ADA: variants seen among roughly 807,000 people sequenced by gnomAD.
ADA encodes the protein adenosine aminohydrolase.
A neutral mutation model predicts 49.0 loss-of-function variants in ADA; 45 were observed. The observed-to-expected ratio is 0.92, with a 90% CI of 0.72 to 1.18. The LOEUF is 1.18. Ranked by LOEUF, ADA falls within the 50% of genes most tolerant of loss-of-function variation. The pLI, the probability that ADA is intolerant of heterozygous loss-of-function variation, is 0.00. For missense variants in ADA, 445 were observed against 472.5 expected (o/e 0.94, Z 0.54); for synonymous variants, 173 against 184.2 (o/e 0.94, Z 0.49).
chr20:44,619,736 G>A lies in ADA; in HGVS notation c.*98C>T. On this transcript the variant is annotated 3_prime_UTR_variant, in exon 12 of 12. Transcript: ENST00000372874. ...AGGAGCATCAGTAACTGACTATTGAGATCATGGTCTTCTTGGAAGGAATAA... is the reference window on the plus strand; with the variant it reads ...AGGAGCATCAGTAACTGACTATTGAAATCATGGTCTTCTTGGAAGGAATAA... 1.3e-6 allele frequency: 2 copies of A among 1,499,574 alleles called. No homozygotes were observed. The highest frequency in any genetic ancestry group is 1.9e-6 in the Non-Finnish European group (2 of 1,076,650). 92.9% of individuals were successfully genotyped at this position (1,499,574 alleles called of 1,614,324 possible).
intron 1 of ADA, among the ~76,000 whole-genome samples, chr20:44,641,386 T>C (rs2065532590): frequency 6.6e-6 from 1 of 151,692 alleles, no homozygotes; most frequent in Non-Finnish European, 1.5e-5. Context: ...AAGAAAGAAG[T>C]GGAGGTAAGA....
chr20:44,646,503 G>A, intron 1 of ADA, among the ~76,000 whole-genome samples: 1 of 150,720 alleles, frequency 6.6e-6, no homozygotes, highest in East Asian at 1.9e-4. Flanking sequence ...GCCTCCCAGA[G>A]TCTACTGCAA....
At chr20:44,645,631 A>C (rs2065583841) in intron 1 of ADA, among the ~76,000 whole-genome samples, 1 of 152,214 alleles carries the variant, frequency 6.6e-6, no homozygotes, top group Non-Finnish European at 1.5e-5. Context: ...CAAAAGTCAA[A>C]GTAGGACCAT....
intron 1 of ADA, among the ~76,000 whole-genome samples, chr20:44,645,175 G>A (rs566971765): frequency 6.6e-6 from 1 of 152,066 alleles, no homozygotes; most frequent in Non-Finnish European, 1.5e-5. Context: ...TTGAGGCCAG[G>A]AGTTTGAGAC....
chr20:44,623,934 G>A (rs2065357295), intron 6 of ADA: 1 of 480,196 alleles, frequency 2.1e-6, no homozygotes, highest in Non-Finnish European at 4.1e-6. Flanking sequence ...TATTTGCAGA[G>A]ATGGATCTCA....
chr20:44,620,312 A>G lies in ADA; in HGVS notation c.1065T>C (p.Pro355=), dbSNP rs371814756. 18 of 1,614,006 alleles carry G rather than the reference A, an allele frequency of 1.1e-5. No homozygotes were observed. The East Asian group carries it at 2.5e-4, about 22-fold the overall frequency. The part of the protein sequence containing the change: ...DLLYKAYGMP[P]SASAGQNL ...ACAGGAACCTACCTGCAGAGGCTGA[A>G]GGTGGCATCCCATAGGCTTTATAGA... The change falls in exon 11 of 12, where the codon CCT becomes CCC. Residue 355 remains proline, a synonymous_variant. Transcript: ENST00000372874.
chr20:44,640,852 G>A (rs2065526363), intron 1 of ADA, among the ~76,000 whole-genome samples: 1 of 151,952 alleles, frequency 6.6e-6, no homozygotes. Context: ...CAGAGGCAGA[G>A]ACTGGAATGA....
chr20:44,623,009 C>G lies in ADA; in HGVS notation c.676G>C (p.Glu226Gln). 6.2e-7 allele frequency: 1 copy of G among 1,614,202 alleles called. No homozygotes were observed. The highest frequency in any genetic ancestry group is 8.5e-7 in the Non-Finnish European group (1 of 1,180,028). ...CCATGGCCAGCCCAGGCCCTCACCTCTTTTACTACTTCGGCCGAGCCCACC... is the reference window on the plus strand; with the variant it reads ...CCATGGCCAGCCCAGGCCCTCACCTGTTTTACTACTTCGGCCGAGCCCACC... ...GEVGSAEVVKEAVDILKTERL... is the reference protein window; with the variant it reads ...GEVGSAEVVKQAVDILKTERL... Residue 226 changes from glutamate (E) to glutamine (Q), a missense_variant and splice_region_variant, in exon 7 of 12, where the codon GAG (glutamate) becomes CAG (glutamine). Glu to Gln is a conservative substitution (Grantham distance 29). Transcript: ENST00000372874.
At chr20:44,625,787 C>A in intron 4 of ADA, 103 bp from the exon 5 acceptor site, 1 of 937,670 alleles carries the variant, frequency 1.1e-6, no homozygotes, top group Non-Finnish European at 1.7e-6. Context: ...TGGGGAGGAC[C>A]CTCCTCCCCC....
intron 4 of ADA, 131 bp from the exon 5 acceptor site, chr20:44,625,815 G>A: frequency 1.3e-6 from 1 of 741,932 alleles, no homozygotes; most frequent in Non-Finnish European, 2.3e-6. Context: ...CACTGCCTCA[G>A]AGGAAAGACT....
intron 11 of ADA, 114 bp from the exon 12 acceptor site, chr20:44,619,961 G>T: frequency 7.2e-7 from 1 of 1,390,012 alleles, no homozygotes; most frequent in East Asian, 2.4e-5. Context: ...ATGGCAAGAA[G>T]ATGCCTTGCC....
At chr20:44,620,038 G>A (rs1049673416) in intron 11 of ADA, among the ~76,000 whole-genome samples, 191 bp from the exon 12 acceptor site, 3 of 152,252 alleles carry the variant, frequency 2.0e-5, no homozygotes, top group African/African-American at 7.2e-5. Flanking sequence ...GCTTTGGGCA[G>A]CCATGGAGGT....
chr20:44,625,879 G>A (rs2065378023), intron 4 of ADA, among the ~76,000 whole-genome samples, 195 bp from the exon 5 acceptor site: 1 of 152,176 alleles, frequency 6.6e-6, no homozygotes, highest in African/African-American at 2.4e-5. Context: ...AAGCAGCTGG[G>A]TGCTCCTAGA....
Position 44,620,603 on chromosome 20 carries a change from G to C in ADA, c.976-202C>G, listed in dbSNP as rs1029999504. The C allele has an allele frequency of 3.4e-5, 22 of 638,992 alleles. No individual in the cohort carries two copies. The African/African-American group carries it at 3.5e-4, about 10-fold the overall frequency. 39.6% of individuals were successfully genotyped at this position (638,992 alleles called of 1,614,324 possible). A position where few individuals can be genotyped will look rare whatever the true frequency, so the allele number is the denominator to read the frequency against. On this transcript the variant is annotated intron_variant, in intron 10 of 11. Coordinates refer to ENST00000372874, the MANE Select transcript of ADA (RefSeq NM_000022.4). ...CTTAATTTGTCATTACATGAAAAAGGGCTGTGAGAAGGAAGTTGGAGAAAC... is the reference window on the plus strand; with the variant it reads ...CTTAATTTGTCATTACATGAAAAAGCGCTGTGAGAAGGAAGTTGGAGAAAC...
chr20:44,639,410 C>G (rs1165920632), intron 1 of ADA, among the ~76,000 whole-genome samples: 1 of 151,526 alleles, frequency 6.6e-6, no homozygotes, highest in African/African-American at 2.4e-5. Flanking sequence ...ACTAGAGACA[C>G]CTTTTGTTTT....
chr20:44,649,881 G>A (rs1342961229), intron 1 of ADA, among the ~76,000 whole-genome samples: 12 of 152,134 alleles, frequency 7.9e-5, no homozygotes, highest in Middle Eastern at 3.4e-3. Flanking sequence ...GACTACAGGC[G>A]CCCGCCACCA....
intron 1 of ADA, among the ~76,000 whole-genome samples, chr20:44,644,621 G>T (rs955043272): frequency 1.3e-5 from 2 of 152,248 alleles, no homozygotes; most frequent in Non-Finnish European, 2.9e-5. Flanking sequence ...GGCAGTGCCA[G>T]GGTCAGTGAC....
intron 3 of ADA, among the ~76,000 whole-genome samples, chr20:44,626,887 G>A (rs80105114): frequency 6.6e-6 from 1 of 152,230 alleles, no homozygotes; most frequent in South Asian, 2.1e-4. Flanking sequence ...CCCAGCAGTT[G>A]GGGCAATCTT....
chr20:44,633,973 C>T (rs2065456386), intron 2 of ADA, among the ~76,000 whole-genome samples: 1 of 152,248 alleles, frequency 6.6e-6, no homozygotes, highest in Non-Finnish European at 1.5e-5. Flanking sequence ...GTGACAAACT[C>T]CCCAGTCCCC....
Sources: gnomAD v4.1 joint callset for allele counts (sites outside exome capture counted in the v4.1 genomes callset) on GRCh38, gnomAD v4.1.1 for gene constraint, MANE v1.5 for transcripts, NCBI Gene and HGNC (gene_info 2026-07-23, HGNC 2026-07-21) for gene names.